POU2AF2: variants seen among roughly 807,000 people sequenced by gnomAD.
POU2AF2 encodes POU class 2 homeobox associating factor 2.
the POU2AF2 span, among the ~76,000 whole-genome samples, chr11:111,271,053 T>C: frequency 0.25 from 37,537 of 152,218 alleles, 5,172 homozygotes; most frequent in South Asian, 0.46. Flanking sequence ...CGGGGTGCAG[T>C]GGCTCATGCC....
chr11:111,280,060 ATAT>A, the POU2AF2 span, among the ~76,000 whole-genome samples: 265 of 31,512 alleles, frequency 8.4e-3, no homozygotes, highest in South Asian at 0.033. Context: ...AAAAAAAAAT[ATAT>A]ATATATATAT....
chr11:111,247,019 C>A, the POU2AF2 span, among the ~76,000 whole-genome samples: 42,732 of 151,886 alleles, frequency 0.28, 6,641 homozygotes, highest in East Asian at 0.67. Flanking sequence ...ATATACTTGA[C>A]CTTTTTTTTC....
At chr11:111,282,180 G>T in the POU2AF2 span, among the ~76,000 whole-genome samples, 1 of 152,106 alleles carries the variant, frequency 6.6e-6, no homozygotes, top group East Asian at 1.9e-4. Flanking sequence ...GAAAATCCAT[G>T]CTAAGAGAGC....
chr11:111,286,111 T>G, the POU2AF2 span: 1 of 1,576,740 alleles, frequency 6.3e-7, no homozygotes, highest in Non-Finnish European at 8.6e-7. Flanking sequence ...TTCCAAAGAT[T>G]GTTTTAGGTG....
the POU2AF2 span, among the ~76,000 whole-genome samples, chr11:111,272,301 C>T: frequency 6.6e-6 from 1 of 152,148 alleles, no homozygotes; most frequent in East Asian, 1.9e-4. Flanking sequence ...CCTGCCCCCA[C>T]CCCCATACCT....
chr11:111,264,502 AAG>A, the POU2AF2 span, among the ~76,000 whole-genome samples: 4 of 15,324 alleles, frequency 2.6e-4, no homozygotes, highest in Admixed American at 4.6e-3. Flanking sequence ...GAAAGAAAGA[AAG>A]AAAGAAAGAA....
the POU2AF2 span, chr11:111,284,522 G>A: frequency 9.9e-7 from 1 of 1,013,772 alleles, no homozygotes; most frequent in Non-Finnish European, 1.4e-6. Context: ...GCCTAGAGAT[G>A]CCAGGACACC....
At chr11:111,263,090 T>A in the POU2AF2 span, among the ~76,000 whole-genome samples, 6 of 152,226 alleles carry the variant, frequency 3.9e-5, no homozygotes, top group African/African-American at 1.4e-4. Context: ...ACAATTCAAC[T>A]TTATTAACTA....
At chr11:111,269,646 A>G in the POU2AF2 span, among the ~76,000 whole-genome samples, 4 of 152,198 alleles carry the variant, frequency 2.6e-5, no homozygotes, top group Non-Finnish European at 5.9e-5. Flanking sequence ...GTAGTTCTGC[A>G]GATTCTGTTC....
chr11:111,268,784 G>A, the POU2AF2 span, among the ~76,000 whole-genome samples: 4 of 151,838 alleles, frequency 2.6e-5, no homozygotes, highest in African/African-American at 9.7e-5. Context: ...CTGACCTCAG[G>A]TGATCCACCC....
At chr11:111,267,480 T>C in the POU2AF2 span, among the ~76,000 whole-genome samples, 1 of 152,178 alleles carries the variant, frequency 6.6e-6, no homozygotes, top group South Asian at 2.1e-4. Flanking sequence ...GAGCTTTTCT[T>C]CTTACCTGAA....
the POU2AF2 span, among the ~76,000 whole-genome samples, chr11:111,263,993 G>A: frequency 6.6e-6 from 1 of 152,240 alleles, no homozygotes; most frequent in Non-Finnish European, 1.5e-5. Context: ...AACTGCATGT[G>A]AGGAGTGATG....
At chr11:111,264,832 A>G in the POU2AF2 span, among the ~76,000 whole-genome samples, 1 of 148,270 alleles carries the variant, frequency 6.7e-6, no homozygotes, top group South Asian at 2.2e-4. Flanking sequence ...AAAGAAAGAA[A>G]GAGAGGAAGG....
the POU2AF2 span, among the ~76,000 whole-genome samples, chr11:111,265,151 A>G: frequency 6.6e-6 from 1 of 152,144 alleles, no homozygotes; most frequent in Non-Finnish European, 1.5e-5. Flanking sequence ...CGTGCAGCGG[A>G]TGAACCAATT....
At chr11:111,257,924 CCTGGCCAACATGGTGA>C in the POU2AF2 span, among the ~76,000 whole-genome samples, 1 of 152,062 alleles carries the variant, frequency 6.6e-6, no homozygotes, top group Non-Finnish European at 1.5e-5. Flanking sequence ...TCCAGACCAG[CCTGGCCAACATGGTGA>C]AACCACATCT....
the POU2AF2 span, among the ~76,000 whole-genome samples, chr11:111,247,878 C>CTTTTT: frequency 8.7e-6 from 1 of 115,014 alleles, no homozygotes; most frequent in Non-Finnish European, 1.7e-5. Flanking sequence ...TATAAGTGGC[C>CTTTTT]TTTTTTTTTT....
At chr11:111,261,332 A>G in the POU2AF2 span, among the ~76,000 whole-genome samples, 1 of 151,970 alleles carries the variant, frequency 6.6e-6, no homozygotes, top group Admixed American at 6.6e-5. Context: ...GAACTACACT[A>G]TTTCAATTGA....
chr11:111,256,084 A>G, the POU2AF2 span: 1 of 399,088 alleles, frequency 2.5e-6, no homozygotes, highest in African/African-American at 2.1e-5. Context: ...AAGTAACTCA[A>G]GACTTAATGT....
the POU2AF2 span, among the ~76,000 whole-genome samples, chr11:111,264,765 A>T: frequency 3.4e-5 from 5 of 147,726 alleles, no homozygotes; most frequent in East Asian, 1.0e-3. Flanking sequence ...AAGAGACAGG[A>T]AGGAAGGAAG....
Sources: allele counts gnomAD v4.1 joint callset (sites outside exome capture counted in the v4.1 genomes callset), GRCh38; gene constraint gnomAD v4.1.1; transcripts MANE v1.5; gene names NCBI Gene and HGNC (gene_info 2026-07-23, HGNC 2026-07-21).